Variants in NRG1 observed in about 807,000 individuals in gnomAD.
The protein encoded by NRG1 is neuregulin 1, also known as pro-neuregulin-1, membrane-bound isoform.
A neutral mutation model predicts 63.8 loss-of-function variants in NRG1; 18 were observed. The observed-to-expected ratio is 0.28, with a 90% CI of 0.19 to 0.42. The LOEUF is 0.42. NRG1 is among the 10% of genes least tolerant of loss of function. The pLI is 1.00. For missense variants in NRG1, 762 were observed against 814.7 expected, an observed-to-expected ratio of 0.94 and a Z score of 0.79; for synonymous variants, 302 against 301.3, an observed-to-expected ratio of 1.00 and a Z score of -0.02.
In NRG1 at chr8:32,099,984, G is replaced by C. The variant is rs113379069; in HGVS notation, c.37+460553G>C. 3.8e-3 allele frequency among the ~76,000 whole-genome samples: 571 copies of C among 152,190 alleles called. 1 individual carries two copies. Among genetic ancestry groups the C allele is most frequent in the Non-Finnish European group, 6.0e-3 (408 of 68,012 alleles). The stretch of plus-strand genomic sequence containing the variant: ...TATATGTAGTAGGCAAGTGGGATTG[G>C]AGTACAAGGGAAGGATAGCTGGGGG... On this transcript the variant is annotated intron_variant, in intron 1 of 10. Coordinates refer to the NRG1 transcript ENST00000519301.
chr8:32,664,567 T>A (rs958953200), intron 5 of NRG1, among the ~76,000 whole-genome samples: 2 of 152,108 alleles, frequency 1.3e-5, no homozygotes, highest in African/African-American at 4.8e-5. Context: ...TATTGTCTAA[T>A]CCTCACACAC....
intron 1 of NRG1, among the ~76,000 whole-genome samples, chr8:31,935,497 G>T (rs1454800151): frequency 6.6e-6 from 1 of 151,772 alleles, no homozygotes; most frequent in African/African-American, 2.4e-5. Flanking sequence ...TGTTCAAGTG[G>T]TCCTCCCGCC....
intron 1 of NRG1, among the ~76,000 whole-genome samples, chr8:32,083,270 T>A (rs992116385): frequency 2.6e-5 from 4 of 152,240 alleles, no homozygotes; most frequent in Non-Finnish European, 5.9e-5. Context: ...TCTCTTCTTT[T>A]TAATGAAGTA....
chr8:32,310,214 T>G (rs7005124), intron 1 of NRG1, among the ~76,000 whole-genome samples: 49,052 of 152,188 alleles, frequency 0.32, 8,574 homozygotes, highest in South Asian at 0.48. Flanking sequence ...TATATGACGG[T>G]TTGGATCTTT....
chr8:32,633,593 C>T (rs968364317), intron 5 of NRG1, among the ~76,000 whole-genome samples: 3 of 152,170 alleles, frequency 2.0e-5, no homozygotes, highest in African/African-American at 7.2e-5. Flanking sequence ...AATGACTCCA[C>T]TATGTGTCAA....
At chr8:32,308,095 C>CT (rs1464768623) in intron 1 of NRG1, among the ~76,000 whole-genome samples, 1 of 152,166 alleles carries the variant, frequency 6.6e-6, no homozygotes, top group Admixed American at 6.5e-5. Context: ...TCTAGGGTGT[C>CT]TCTGTTTTTT....
chr8:31,687,338 C>G (rs1315882296), intron 1 of NRG1, among the ~76,000 whole-genome samples: 1 of 152,164 alleles, frequency 6.6e-6, no homozygotes, highest in Non-Finnish European at 1.5e-5. Flanking sequence ...ACAAACAAAC[C>G]CCAAAGAATA....
At chr8:32,238,303 A>G (rs1847774213) in intron 1 of NRG1, among the ~76,000 whole-genome samples, 1 of 152,072 alleles carries the variant, frequency 6.6e-6, no homozygotes, top group Admixed American at 6.6e-5. Flanking sequence ...TGTCTCTACT[A>G]AAAATCTTAG....
chr8:31,832,249 G>GTTTT (rs5890599), intron 1 of NRG1, among the ~76,000 whole-genome samples: 17 of 136,140 alleles, frequency 1.2e-4, no homozygotes, highest in South Asian at 2.4e-4. Flanking sequence ...AAATGCTCTA[G>GTTTT]TTTTTTTTTT....
chr8:32,724,559 T>G (rs575002519), intron 5 of NRG1, among the ~76,000 whole-genome samples: 5 of 152,228 alleles, frequency 3.3e-5, no homozygotes, highest in Admixed American at 6.5e-5. Context: ...TTTATAGGCC[T>G]GTGTAAGACT....
chr8:32,556,870 C>A (rs1835272038), intron 1 of NRG1, among the ~76,000 whole-genome samples: 1 of 152,176 alleles, frequency 6.6e-6, no homozygotes. Context: ...GAATCTAAAA[C>A]CAGCCTTTAC....
At position 32,272,495 on chromosome 8, in the gene NRG1, A is replaced by G. The variant is rs551532069; in HGVS notation, c.38-323333A>G. Reference sequence around the variant, plus strand: ...ATCCATAATTCTAGCTGGTAACATCATTGTTAGAATCAGTTGCCTTGCCAG... The same window carrying G: ...ATCCATAATTCTAGCTGGTAACATCGTTGTTAGAATCAGTTGCCTTGCCAG... On this transcript the variant is annotated intron_variant, in intron 1 of 10. Coordinates refer to the NRG1 transcript ENST00000519301. Among the ~76,000 whole-genome samples the G allele has an allele frequency of 6.6e-5, 10 of 152,298 alleles. No individual in the cohort carries two copies. The South Asian group carries it at 1.4e-3, about 22-fold the overall frequency.
At chr8:31,958,542 T>C (rs1347822577) in intron 1 of NRG1, among the ~76,000 whole-genome samples, 2 of 152,170 alleles carry the variant, frequency 1.3e-5, no homozygotes, top group Non-Finnish European at 2.9e-5. Flanking sequence ...CTTTTGAGGA[T>C]CCATCCTACA....
At chr8:32,005,707 G>T (rs1813672112) in intron 1 of NRG1, among the ~76,000 whole-genome samples, 1 of 151,946 alleles carries the variant, frequency 6.6e-6, no homozygotes, top group Non-Finnish European at 1.5e-5. Context: ...CTTCAAAGTG[G>T]ATGAACAGAA....
chr8:31,728,942 G>T (rs1040777890), intron 1 of NRG1, among the ~76,000 whole-genome samples: 2 of 152,176 alleles, frequency 1.3e-5, no homozygotes, highest in African/African-American at 4.8e-5. Flanking sequence ...ATGATGTTTT[G>T]TCTGTAAATT....
At chr8:31,826,637 A>G (rs1156918568) in intron 1 of NRG1, among the ~76,000 whole-genome samples, 1 of 152,182 alleles carries the variant, frequency 6.6e-6, no homozygotes, top group Non-Finnish European at 1.5e-5. Context: ...CTGGCCTGGA[A>G]TAACATCACT....
chr8:32,510,772 C>G (rs904314697), intron 1 of NRG1, among the ~76,000 whole-genome samples: 2 of 152,090 alleles, frequency 1.3e-5, no homozygotes, highest in Non-Finnish European at 2.9e-5. Flanking sequence ...TTTCAGTAAT[C>G]CGGAAGATGG....
chr8:32,438,860 T>G (rs1819127950), intron 1 of NRG1, among the ~76,000 whole-genome samples: 1 of 152,184 alleles, frequency 6.6e-6, no homozygotes, highest in Non-Finnish European at 1.5e-5. Context: ...CTGTTCCTGT[T>G]GCCTATTTTC....
intron 1 of NRG1, among the ~76,000 whole-genome samples, chr8:32,559,083 GA>G (rs35947086): frequency 0.24 from 20,820 of 86,032 alleles, 2,109 homozygotes; most frequent in East Asian, 0.67. Flanking sequence ...TTGTCTCAGC[GA>G]AAAAAAAAAA....
Sources: gnomAD v4.1 joint callset for allele counts (sites outside exome capture counted in the v4.1 genomes callset) on GRCh38, gnomAD v4.1.1 for gene constraint, MANE v1.5 for transcripts, NCBI Gene and HGNC (gene_info 2026-07-23, HGNC 2026-07-21) for gene names.